ASIC2: variants seen among roughly 807,000 people sequenced by gnomAD.
ASIC2 encodes acid sensing ion channel subunit 2.
ASIC2 carries 25 observed loss-of-function variants against 57.3 expected under a neutral mutation model. That is an observed-to-expected ratio of 0.44 (90% CI 0.32 to 0.61). The LOEUF is 0.61. Among genes scored for constraint, ASIC2 ranks in the 20% least tolerant of loss-of-function variants. ASIC2 has a pLI of 0.06. For synonymous variants in ASIC2, 319 were observed against 307.5 expected (o/e 1.04, Z -0.39); for missense variants, 641 against 738.1 (o/e 0.87, Z 1.52).
At chr17:33,040,923 C>G (rs1183420054) in intron 3 of ASIC2, among the ~76,000 whole-genome samples, 1 of 152,148 alleles carries the variant, frequency 6.6e-6, no homozygotes, top group Non-Finnish European at 1.5e-5. Context: ...GCCCAACCAG[C>G]TGAGTGGTCC....
At chr17:33,019,296 G>C (rs529739892) in intron 7 of ASIC2, among the ~76,000 whole-genome samples, 1 of 152,028 alleles carries the variant, frequency 6.6e-6, no homozygotes, top group Non-Finnish European at 1.5e-5. Flanking sequence ...GTGTGTCTAA[G>C]TGTGTGTGAG....
chr17:33,493,925 C>T (rs1357397691), intron 1 of ASIC2, among the ~76,000 whole-genome samples: 1 of 152,200 alleles, frequency 6.6e-6, no homozygotes, highest in East Asian at 1.9e-4. Flanking sequence ...TTCTGGCTCC[C>T]ACTGACTACC....
intron 1 of ASIC2, among the ~76,000 whole-genome samples, chr17:33,944,558 A>G (rs1916264510): frequency 6.6e-6 from 1 of 152,116 alleles, no homozygotes; most frequent in Non-Finnish European, 1.5e-5. Context: ...ACCTGTGAGG[A>G]GAGGAAGGTG....
At chr17:33,015,669 C>T (rs939050073) in intron 9 of ASIC2, among the ~76,000 whole-genome samples, 2 of 152,232 alleles carry the variant, frequency 1.3e-5, no homozygotes, top group African/African-American at 4.8e-5. Context: ...AGTTCTCCCC[C>T]TGCTGTGAGA....
intron 1 of ASIC2, among the ~76,000 whole-genome samples, chr17:33,865,417 T>C (rs1463941465): frequency 6.6e-6 from 1 of 152,180 alleles, no homozygotes; most frequent in African/African-American, 2.4e-5. Context: ...AGTACAGACA[T>C]GCATAAGGCA....
intron 1 of ASIC2, among the ~76,000 whole-genome samples, chr17:33,873,087 C>T (rs900482081): frequency 4.6e-5 from 7 of 152,214 alleles, no homozygotes; most frequent in African/African-American, 1.7e-4. Flanking sequence ...CCGGCCCATT[C>T]TCCTTCATCA....
intron 1 of ASIC2, among the ~76,000 whole-genome samples, chr17:33,465,677 G>T (rs1378043860): frequency 6.6e-6 from 1 of 152,170 alleles, no homozygotes; most frequent in African/African-American, 2.4e-5. Context: ...CCTGGCCTGA[G>T]TGTGGGCTTT....
intron 1 of ASIC2, among the ~76,000 whole-genome samples, chr17:33,909,104 C>T (rs968405387): frequency 1.3e-5 from 2 of 152,158 alleles, no homozygotes; most frequent in African/African-American, 4.8e-5. Flanking sequence ...CTTGTATCAT[C>T]AACTATCTTC....
chr17:33,301,796 C>G lies in ASIC2; in HGVS notation c.556-189729G>C, dbSNP rs554851353. Among the ~76,000 whole-genome samples the G allele has an allele frequency of 1.3e-4, 20 of 152,272 alleles. No homozygotes were observed. The South Asian group carries it at 3.1e-3, about 24-fold the overall frequency. ...TTTTTCCCTCAACTGGTCTGAGAGC[C>G]ATTGCCATGCACTTTCTCTGTTTTC... On this transcript the variant is annotated intron_variant, in intron 1 of 9. Transcript: ENST00000359872.
At chr17:33,464,697 A>T (rs866287014) in intron 1 of ASIC2, among the ~76,000 whole-genome samples, 5 of 137,180 alleles carry the variant, frequency 3.6e-5, no homozygotes, top group African/African-American at 1.4e-4. Context: ...CTATATATAT[A>T]TATATATGTA....
At chr17:33,018,822 T>A (rs912817424) in intron 7 of ASIC2, among the ~76,000 whole-genome samples, 3 of 150,526 alleles carry the variant, frequency 2.0e-5, no homozygotes, top group Non-Finnish European at 3.0e-5. Flanking sequence ...GGTTTGGGAA[T>A]TGGGTTTGGG....
chr17:33,381,572 G>C (rs566252065), intron 1 of ASIC2, among the ~76,000 whole-genome samples: 2 of 123,452 alleles, frequency 1.6e-5, no homozygotes, highest in African/African-American at 2.7e-5. Context: ...TATGTGCCCC[G>C]GGGGGGCACT....
upstream of ASIC2, among the ~76,000 whole-genome samples, chr17:33,295,373 C>T (rs1304509414): frequency 1.3e-5 from 2 of 152,214 alleles, no homozygotes; most frequent in Non-Finnish European, 2.9e-5. Context: ...CTTTATGGCA[C>T]ATGTATGCAG....
chr17:33,445,719 C>T (rs1296586119), intron 1 of ASIC2, among the ~76,000 whole-genome samples: 1 of 148,618 alleles, frequency 6.7e-6, no homozygotes, highest in Non-Finnish European at 1.5e-5. Flanking sequence ...ATCGCTTGAA[C>T]TCAGGAGGCG....
intron 1 of ASIC2, among the ~76,000 whole-genome samples, chr17:33,583,237 T>G (rs1008466622): frequency 6.6e-6 from 1 of 152,252 alleles, no homozygotes; most frequent in African/African-American, 2.4e-5. Flanking sequence ...GGATACAATC[T>G]ATTCTTAATT....
intron 1 of ASIC2, among the ~76,000 whole-genome samples, chr17:33,618,645 G>T (rs942420879): frequency 6.6e-6 from 1 of 152,100 alleles, no homozygotes; most frequent in South Asian, 2.1e-4. Flanking sequence ...TCTGAGCCTT[G>T]GTTCCCTCAT....
chr17:33,170,331 T>C (rs570230335), intron 1 of ASIC2, among the ~76,000 whole-genome samples: 41 of 152,192 alleles, frequency 2.7e-4, no homozygotes, highest in Non-Finnish European at 5.1e-4. Flanking sequence ...ACAAAAAGAT[T>C]CACCTCTAAA....
rs866853092 is a variant in ASIC2 at position 33,332,459 on chromosome 17, G to A, written c.556-220392C>T. The stretch of plus-strand genomic sequence containing the variant: ...ATCGAATCTTGGCGATCTGGTGTGT[G>A]TGTTGTATCCTCACAGCATGTCTTA... On this transcript the variant is annotated intron_variant, in intron 1 of 9. Transcript: ENST00000359872. Among the ~76,000 whole-genome samples the A allele has an allele frequency of 4.6e-5, 7 of 152,304 alleles. No individual in the cohort carries two copies. In the South Asian group the frequency reaches 1.5e-3, roughly 32 times the overall value.
At chr17:33,970,264 G>T (rs11656324) in intron 1 of ASIC2, among the ~76,000 whole-genome samples, 13 of 152,048 alleles carry the variant, frequency 8.5e-5, no homozygotes, top group Non-Finnish European at 1.8e-4. Flanking sequence ...GTTGCCCCCA[G>T]GTGAGAACCA....
Sources: allele counts gnomAD v4.1 joint callset (sites outside exome capture counted in the v4.1 genomes callset), GRCh38; gene constraint gnomAD v4.1.1; transcripts MANE v1.5; gene names NCBI Gene and HGNC (gene_info 2026-07-23, HGNC 2026-07-21).